PTPRO: variants seen among roughly 807,000 people sequenced by gnomAD.
The protein encoded by PTPRO is protein tyrosine phosphatase receptor type O, also known as receptor-type tyrosine-protein phosphatase O.
Under a neutral mutation model 145.2 loss-of-function variants are expected in PTPRO, and 62 were observed. The ratio of observed to expected loss-of-function variants is 0.43; its 90% confidence interval spans 0.35 to 0.53. The LOEUF is 0.53. PTPRO is among the 20% of genes least tolerant of loss of function. The pLI, the probability that PTPRO is intolerant of heterozygous loss-of-function variation, is 0.01. For missense variants in PTPRO, 1,345 were observed against 1,482.7 expected (o/e 0.91, Z 1.53); for synonymous variants, 565 against 514.7 (o/e 1.10, Z -1.32).
chr12:15,410,075 A>G (rs1369399180), intron 1 of PTPRO, among the ~76,000 whole-genome samples: 3 of 152,252 alleles, frequency 2.0e-5, no homozygotes, highest in African/African-American at 7.2e-5. Context: ...TATTAGTTAA[A>G]GAAAAATGAA....
intron 19 of PTPRO, among the ~76,000 whole-genome samples, chr12:15,577,933 A>T (rs910742551): frequency 2.0e-5 from 3 of 152,192 alleles, no homozygotes. Flanking sequence ...CCCTTTCCCC[A>T]TAACATACCC....
intron 1 of PTPRO, among the ~76,000 whole-genome samples, chr12:15,417,919 A>G (rs1465485020): frequency 1.3e-5 from 2 of 151,728 alleles, no homozygotes; most frequent in Non-Finnish European, 2.9e-5. Context: ...GTGTGGCCTA[A>G]AGCAATGTAA....
chr12:15,571,388 A>C (rs993822420), intron 19 of PTPRO, among the ~76,000 whole-genome samples: 1 of 152,118 alleles, frequency 6.6e-6, no homozygotes, highest in South Asian at 2.1e-4. Context: ...CCCAGGTTCA[A>C]GTGATTCTCC....
At chr12:15,450,255 T>C (rs1201901822) in intron 1 of PTPRO, among the ~76,000 whole-genome samples, 1 of 152,214 alleles carries the variant, frequency 6.6e-6, no homozygotes, top group Non-Finnish European at 1.5e-5. Flanking sequence ...GGTTTTGTAC[T>C]ATGAGGAATT....
chr12:15,572,747 GTTTCTT>G (rs146320209), intron 19 of PTPRO, among the ~76,000 whole-genome samples: 99,514 of 151,904 alleles, frequency 0.66, 35,988 homozygotes, highest in South Asian at 0.8. Context: ...CATCACCTTA[GTTTCTT>G]TATGTATAAA....
At chr12:15,334,245 C>T (rs937816633) in intron 1 of PTPRO, among the ~76,000 whole-genome samples, 22 of 152,190 alleles carry the variant, frequency 1.4e-4, no homozygotes, top group East Asian at 7.7e-4. Context: ...AGATACCTCA[C>T]GGAAATTTTA....
intron 17 of PTPRO, among the ~76,000 whole-genome samples, chr12:15,561,879 G>C (rs1276375032): frequency 1.3e-5 from 2 of 152,072 alleles, no homozygotes; most frequent in Admixed American, 6.6e-5. Context: ...GCTTCTGTAA[G>C]GTAGGCCTGT....
At chr12:15,513,229 A>G (rs1053997701) in intron 7 of PTPRO, among the ~76,000 whole-genome samples, 51 of 123,690 alleles carry the variant, frequency 4.1e-4, no homozygotes, top group African/African-American at 1.4e-3. Context: ...AAGAAAGAAA[A>G]GAAAGAAAGA....
chr12:15,332,888 A>G (rs1866652824), intron 1 of PTPRO, among the ~76,000 whole-genome samples: 1 of 152,184 alleles, frequency 6.6e-6, no homozygotes, highest in Non-Finnish European at 1.5e-5. Flanking sequence ...GCTCTCATGC[A>G]TGTTATGAAT....
chr12:15,405,408 A>T (rs1301452841), intron 1 of PTPRO, among the ~76,000 whole-genome samples: 1 of 152,180 alleles, frequency 6.6e-6, no homozygotes, highest in Non-Finnish European at 1.5e-5. Flanking sequence ...AACTTTTATC[A>T]TTTCAGTGTG....
chr12:15,405,851 A>G (rs1256016324), intron 1 of PTPRO, among the ~76,000 whole-genome samples: 1 of 152,212 alleles, frequency 6.6e-6, no homozygotes, highest in Admixed American at 6.5e-5. Context: ...TACAGTTACC[A>G]ATGAAGCAGA....
At chr12:15,526,518 T>C (rs987413703) in intron 12 of PTPRO, among the ~76,000 whole-genome samples, 1 of 152,182 alleles carries the variant, frequency 6.6e-6, no homozygotes, top group African/African-American at 2.4e-5. Context: ...AGTCATAGGA[T>C]TTTGGAGATG....
intron 1 of PTPRO, among the ~76,000 whole-genome samples, chr12:15,406,930 T>C (rs1049297621): frequency 2.0e-5 from 3 of 152,230 alleles, no homozygotes; most frequent in African/African-American, 7.2e-5. Context: ...ATCACTAAAG[T>C]AGCATAGACT....
chr12:15,497,197 T>C, intron 2 of PTPRO, 48 bp from the exon 3 acceptor site: 2 of 1,494,950 alleles, frequency 1.3e-6, no homozygotes, highest in Non-Finnish European at 1.9e-6. Flanking sequence ...TATCGGCCTT[T>C]CTCTCTCCTC....
In PTPRO at chr12:15,516,277, A is replaced by G. The variant is rs192194493; in HGVS notation, c.1586-486A>G. On this transcript the variant is annotated intron_variant, in intron 8 of 26. Transcript: ENST00000281171. Reference sequence around the variant, plus strand: ...GCTGGGATTACAGGCATGAGCCACCACACCCAGCCAAGCCCAGAAGTTTTA... The same window carrying G: ...GCTGGGATTACAGGCATGAGCCACCGCACCCAGCCAAGCCCAGAAGTTTTA... Among the ~76,000 whole-genome samples the G allele has an allele frequency of 1.9e-3, 282 of 147,552 alleles. 1 individual carries two copies. Among genetic ancestry groups the G allele is most frequent in the Middle Eastern group, 3.5e-3 (1 of 288 alleles).
chr12:15,541,073 C>G (rs958090613), intron 12 of PTPRO, among the ~76,000 whole-genome samples: 1 of 152,134 alleles, frequency 6.6e-6, no homozygotes, highest in Non-Finnish European at 1.5e-5. Context: ...ATCCCCCTTA[C>G]CCATATACAT....
chr12:15,325,613 G>A (rs1416416170), intron 1 of PTPRO, among the ~76,000 whole-genome samples: 1 of 152,200 alleles, frequency 6.6e-6, no homozygotes, highest in Non-Finnish European at 1.5e-5. Flanking sequence ...GTCTTCTATG[G>A]ATGAATGCAA....
At chr12:15,495,172 A>G (rs1942074980) in intron 2 of PTPRO, among the ~76,000 whole-genome samples, 1 of 151,988 alleles carries the variant, frequency 6.6e-6, no homozygotes, top group African/African-American at 2.4e-5. Context: ...TAACCAGACT[A>G]TAGCACATAG....
chr12:15,461,414 T>C (rs1374137847), intron 1 of PTPRO, among the ~76,000 whole-genome samples: 12 of 152,176 alleles, frequency 7.9e-5, no homozygotes. Flanking sequence ...GTGCTCAGTG[T>C]CTGCCAAGGG....
Sources: allele counts gnomAD v4.1 joint callset (sites outside exome capture counted in the v4.1 genomes callset), GRCh38; gene constraint gnomAD v4.1.1; transcripts MANE v1.5; gene names NCBI Gene and HGNC (gene_info 2026-07-23, HGNC 2026-07-21).